WWC1: variants seen among roughly 807,000 people sequenced by gnomAD.
WWC1 encodes protein KIBRA.
Under a neutral mutation model 138.4 loss-of-function variants are expected in WWC1, and 55 were observed. That is an observed-to-expected ratio of 0.40 (90% confidence interval 0.32 to 0.50). The LOEUF (loss-of-function observed/expected upper bound fraction) is 0.50, where lower values mean the gene tolerates loss of function less well. WWC1 is among the 20% of genes least tolerant of loss of function. The pLI is 0.72. For synonymous variants in WWC1, 524 were observed against 564.9 expected, an observed-to-expected ratio of 0.93 and a Z score of 1.03; for missense variants, 1,226 against 1,420.4, an observed-to-expected ratio of 0.86 and a Z score of 2.20.
chr5:168,421,427 T>C (rs1259808064), intron 9 of WWC1, among the ~76,000 whole-genome samples: 2 of 152,222 alleles, frequency 1.3e-5, no homozygotes, highest in African/African-American at 4.8e-5. Flanking sequence ...GTACTTTTTC[T>C]TCATGGACCT....
At chr5:168,361,271 C>G (rs1407738916) in intron 1 of WWC1, among the ~76,000 whole-genome samples, 4 of 152,080 alleles carry the variant, frequency 2.6e-5, no homozygotes, top group African/African-American at 7.2e-5. Context: ...TAGCCTAACT[C>G]ATAATTCAGG....
chr5:168,402,852 G>T (rs997859736), intron 5 of WWC1, among the ~76,000 whole-genome samples: 1 of 152,116 alleles, frequency 6.6e-6, no homozygotes, highest in African/African-American at 2.4e-5. Context: ...TAACAGGGAT[G>T]CTATCCAGTC....
intron 3 of WWC1, among the ~76,000 whole-genome samples, chr5:168,393,173 A>G (rs1778634850): frequency 6.6e-6 from 1 of 152,246 alleles, no homozygotes; most frequent in African/African-American, 2.4e-5. Flanking sequence ...TATGTTCCAG[A>G]TAGAACAGAG....
chr5:168,376,966 C>T (rs376382192), intron 2 of WWC1, among the ~76,000 whole-genome samples: 8 of 152,092 alleles, frequency 5.3e-5, no homozygotes, highest in East Asian at 3.8e-4. Context: ...AGAGTCCAAA[C>T]GGCCAAAGCA....
intron 3 of WWC1, among the ~76,000 whole-genome samples, chr5:168,387,786 A>G (rs909992996): frequency 1.3e-5 from 2 of 152,188 alleles, no homozygotes. Flanking sequence ...GGATTAGGAC[A>G]TCAATGTATT....
chr5:168,374,719 C>T (rs1777039954), intron 2 of WWC1, among the ~76,000 whole-genome samples: 1 of 152,144 alleles, frequency 6.6e-6, no homozygotes, highest in African/African-American at 2.4e-5. Context: ...CTTAAAAGGA[C>T]CAGTCTGACT....
At chr5:168,420,344 G>T (rs1011124168) in intron 9 of WWC1, among the ~76,000 whole-genome samples, 2 of 152,034 alleles carry the variant, frequency 1.3e-5, no homozygotes, top group Admixed American at 6.6e-5. Context: ...GTCTTCCCCC[G>T]TGCCTGTGCC....
intron 1 of WWC1, among the ~76,000 whole-genome samples, chr5:168,340,009 CTT>C (rs1221431354): frequency 9.1e-4 from 88 of 96,262 alleles, no homozygotes; most frequent in Non-Finnish European, 1.5e-3. Context: ...TTCTCTCTTT[CTT>C]TCTTTTCTTT....
intron 1 of WWC1, among the ~76,000 whole-genome samples, chr5:168,344,805 A>T (rs1774337087): frequency 6.6e-6 from 1 of 152,218 alleles, no homozygotes; most frequent in Non-Finnish European, 1.5e-5. Context: ...TATAGTAAAT[A>T]TTGGGGGGAA....
chr5:168,318,197 A>G (rs1434579742), intron 1 of WWC1, among the ~76,000 whole-genome samples: 1 of 152,176 alleles, frequency 6.6e-6, no homozygotes, highest in African/African-American at 2.4e-5. Flanking sequence ...GAAGTTCAGA[A>G]ATGTTACCAG....
At chr5:168,354,558 G>A (rs1226968784) in intron 1 of WWC1, among the ~76,000 whole-genome samples, 1 of 152,154 alleles carries the variant, frequency 6.6e-6, no homozygotes, top group East Asian at 1.9e-4. Context: ...CCTAGCACTA[G>A]TGCTGTCCTA....
intron 4 of WWC1, 105 bp downstream of exon 4, chr5:168,397,905 A>G: frequency 8.1e-7 from 1 of 1,237,730 alleles, no homozygotes. Flanking sequence ...CCAGGCTATG[A>G]CAGCCAGTGC....
chr5:168,334,578 C>G (rs557089090), intron 1 of WWC1, among the ~76,000 whole-genome samples: 1 of 152,078 alleles, frequency 6.6e-6, no homozygotes, highest in South Asian at 2.1e-4. Context: ...GTCTCATGCT[C>G]CTGTGTGCTG....
At chr5:168,321,482 C>G in intron 1 of WWC1, among the ~76,000 whole-genome samples, 1 of 152,100 alleles carries the variant, frequency 6.6e-6, no homozygotes, top group East Asian at 1.9e-4. Context: ...CATTCTCCAA[C>G]TCCCTGAAGG....
chr5:168,366,516 T>TC (rs1776300893), intron 1 of WWC1, among the ~76,000 whole-genome samples: 1 of 152,172 alleles, frequency 6.6e-6, no homozygotes, highest in African/African-American at 2.4e-5. Context: ...TCCTCTTGCC[T>TC]CCCTCTGCTT....
intron 15 of WWC1, among the ~76,000 whole-genome samples, chr5:168,432,119 T>C (rs1293342367): frequency 1.3e-5 from 2 of 151,934 alleles, no homozygotes; most frequent in East Asian, 1.9e-4. Flanking sequence ...CCTTTACCAC[T>C]TGCTGTATAG....
At chr5:168,360,116 C>G (rs1775774075) in intron 1 of WWC1, among the ~76,000 whole-genome samples, 1 of 152,202 alleles carries the variant, frequency 6.6e-6, no homozygotes, top group Non-Finnish European at 1.5e-5. Flanking sequence ...GCCTGTAGCA[C>G]CCGTTCCACC....
In WWC1 at chr5:168,467,940, A is replaced by T; in HGVS notation, c.3251A>T (p.Glu1084Val). The stretch of plus-strand genomic sequence containing the variant: ...AGGCTCCGAGGCCAGAGCTGTAAGG[A>T]ACCCCCAGAAGTTCAGTCTTTCAGG... The part of the protein sequence containing the change: ...VHRLRGQSCK[E>V]PPEVQSFREK... The change falls in exon 22 of 23, where the codon GAA (glutamate) becomes GTA (valine). Residue 1084 changes from glutamate (E) to valine (V), a missense_variant. Glu to Val is a moderately radical substitution (Grantham distance 121, BLOSUM62 -2). Around this residue, in one of 3 missense-constraint regions of WWC1, gnomAD observed 206 missense variants for 247.4 expected, o/e 0.83. Coordinates refer to ENST00000265293, the MANE Select transcript of WWC1 (RefSeq NM_015238.3). 2 of 1,614,214 alleles carry T rather than the reference A, an allele frequency of 1.2e-6. No homozygotes were observed. Among genetic ancestry groups the T allele is most frequent in the Non-Finnish European group, 1.7e-6 (2 of 1,180,022 alleles).
At chr5:168,444,889 T>G (rs945577537) in intron 17 of WWC1, among the ~76,000 whole-genome samples, 2 of 152,086 alleles carry the variant, frequency 1.3e-5, no homozygotes, top group African/African-American at 4.8e-5. Flanking sequence ...AAAGAAACTT[T>G]ATGTTACTCT....
Sources: allele counts gnomAD v4.1 joint callset (sites outside exome capture counted in the v4.1 genomes callset), GRCh38; gene constraint gnomAD v4.1.1; regional missense constraint gnomAD v4.1.1; transcripts MANE v1.5; gene names NCBI Gene and HGNC (gene_info 2026-07-23, HGNC 2026-07-21).